LMO7: variants seen among roughly 807,000 people sequenced by gnomAD.
LMO7 encodes LIM domain only protein 7.
In LMO7, 120 loss-of-function variants were observed where a neutral mutation model predicts 206.5. That is an observed-to-expected ratio of 0.58 (90% CI 0.50 to 0.68). The LOEUF is 0.68. Among genes scored for constraint, LMO7 ranks in the 30% least tolerant of loss-of-function variants. LMO7 has a pLI of 0.00. For synonymous variants in LMO7, 706 were observed against 681.5 expected (o/e 1.04, Z -0.56); for missense variants, 1,959 against 1,957.9 (o/e 1.00, Z -0.01).
intron 4 of LMO7, among the ~76,000 whole-genome samples, chr13:75,788,228 G>C (rs539898573): frequency 1.5e-3 from 225 of 152,084 alleles, no homozygotes; most frequent in African/African-American, 5.2e-3. Context: ...CTGGCTTGTT[G>C]CATATATAAA....
At chr13:75,736,993 T>C (rs1487677694) in intron 3 of LMO7, among the ~76,000 whole-genome samples, 1 of 152,148 alleles carries the variant, frequency 6.6e-6, no homozygotes, top group Non-Finnish European at 1.5e-5. Flanking sequence ...GTGCTATAGG[T>C]TGAATTGTTC....
chr13:75,686,297 A>G (rs2040984970), intron 1 of LMO7, among the ~76,000 whole-genome samples: 1 of 152,166 alleles, frequency 6.6e-6, no homozygotes, highest in South Asian at 2.1e-4. Context: ...CTGGTGGCAG[A>G]CAAGAGAAGA....
At chr13:75,758,436 C>T (rs1259740185) in intron 3 of LMO7, among the ~76,000 whole-genome samples, 1 of 152,170 alleles carries the variant, frequency 6.6e-6, no homozygotes, top group African/African-American at 2.4e-5. Flanking sequence ...TTAGTACAAC[C>T]TCGTCCTGCT....
chr13:75,813,430 C>T (rs188003063), intron 11 of LMO7, among the ~76,000 whole-genome samples: 25 of 152,282 alleles, frequency 1.6e-4, no homozygotes, highest in Admixed American at 6.5e-4. Flanking sequence ...AATGGGGGCT[C>T]GGAAGTGATC....
rs2061115575 is a variant in LMO7 at position 75,858,198 on chromosome 13, A to T, written c.*255A>T. The stretch of plus-strand genomic sequence containing the variant: ...TTGAATTCAGCATCTTGAGAGCACA[A>T]GGGAAAAAATAAGAACCTACGAATA... On this transcript the variant is annotated 3_prime_UTR_variant, in exon 31 of 31. Transcript: ENST00000377534. The T allele has an allele frequency of 1.1e-5, 4 of 375,666 alleles. No individual in the cohort carries two copies. The allele number at this position is 375,666 out of a possible 1,614,324, so 23.3% of individuals were successfully genotyped here.
chr13:75,705,314 A>C (rs1019188334), intron 1 of LMO7, among the ~76,000 whole-genome samples: 3 of 152,200 alleles, frequency 2.0e-5, no homozygotes, highest in Non-Finnish European at 4.4e-5. Context: ...TTTCCCTTTT[A>C]AAATTAAGGG....
chr13:75,686,428 G>T (rs939175653), intron 1 of LMO7, among the ~76,000 whole-genome samples: 8 of 151,640 alleles, frequency 5.3e-5, no homozygotes, highest in Non-Finnish European at 8.8e-5. Flanking sequence ...CTCCCACCTG[G>T]TCCCTCCCAC....
chr13:75,765,629 T>C (rs975132455), intron 4 of LMO7, among the ~76,000 whole-genome samples: 3 of 152,124 alleles, frequency 2.0e-5, no homozygotes, highest in Admixed American at 6.6e-5. Context: ...TTTAAGACCA[T>C]TGGCAAAAAT....
At chr13:75,714,912 T>G (rs2043404700) in intron 2 of LMO7, among the ~76,000 whole-genome samples, 1 of 152,018 alleles carries the variant, frequency 6.6e-6, no homozygotes, top group African/African-American at 2.4e-5. Flanking sequence ...CCATCAACCA[T>G]ACACCCCACA....
At position 75,796,644 on chromosome 13, in the gene LMO7, A is replaced by G; in HGVS notation, c.357A>G (p.Ile119Met). Residue 119 changes from isoleucine to methionine, a missense_variant, in exon 6 of 31, where the codon ATA becomes ATG. Coordinates refer to ENST00000377534, the MANE Select transcript of LMO7 (RefSeq NM_001306080.2). ...ETDRRVKNVL[I>M]TLYWLGRKAQ... is the part of the protein sequence containing the mutation. The stretch of plus-strand genomic sequence containing the variant: ...ATTTTTTTTTTTTTAAGGTTTTGAT[A>G]ACATTGTACTGGCTGGGAAGAAAAG... 6.2e-7 allele frequency: 1 copy of G among 1,602,060 alleles called. No homozygotes were observed. Among genetic ancestry groups the G allele is most frequent in the Non-Finnish European group, 8.5e-7 (1 of 1,173,134 alleles).
chr13:75,708,478 A>C (rs1479895105), intron 1 of LMO7, among the ~76,000 whole-genome samples: 1 of 152,210 alleles, frequency 6.6e-6, no homozygotes, highest in African/African-American at 2.4e-5. Context: ...GCCAGATTAT[A>C]AGTGTCAGTG....
intron 1 of LMO7, among the ~76,000 whole-genome samples, chr13:75,653,763 T>C (rs894546677): frequency 6.6e-5 from 10 of 152,178 alleles, no homozygotes; most frequent in Non-Finnish European, 1.3e-4. Context: ...TCCAGTAAAT[T>C]GTTTTCTGTT....
At chr13:75,675,700 G>A (rs756489213) in intron 1 of LMO7, among the ~76,000 whole-genome samples, 1 of 152,144 alleles carries the variant, frequency 6.6e-6, no homozygotes, top group East Asian at 1.9e-4. Flanking sequence ...ACAGAGCTCT[G>A]TATCTAAATG....
chr13:75,843,457 C>T (rs561556067), intron 25 of LMO7, among the ~76,000 whole-genome samples: 6 of 152,252 alleles, frequency 3.9e-5, no homozygotes, highest in South Asian at 2.1e-4. Flanking sequence ...GGAATGGACA[C>T]GGCCGGGAAA....
intron 1 of LMO7, among the ~76,000 whole-genome samples, chr13:75,668,165 G>A (rs1045053273): frequency 3.3e-5 from 5 of 152,124 alleles, no homozygotes; most frequent in African/African-American, 4.8e-5. Flanking sequence ...CCAAGATTGC[G>A]CCACTACACC....
intron 15 of LMO7, among the ~76,000 whole-genome samples, chr13:75,831,664 C>G (rs192840322): frequency 6.5e-4 from 99 of 152,102 alleles, no homozygotes; most frequent in Non-Finnish European, 1.3e-3. Flanking sequence ...GTGCAGAGAC[C>G]CAAAACAAGG....
chr13:75,847,028 T>G (rs1413742412), intron 26 of LMO7, among the ~76,000 whole-genome samples: 1 of 63,834 alleles, frequency 1.6e-5, no homozygotes, highest in East Asian at 3.1e-4. Flanking sequence ...AGACTCTGTC[T>G]CAAAAAAAAA....
intron 4 of LMO7, among the ~76,000 whole-genome samples, chr13:75,791,755 T>C (rs759024737): frequency 2.6e-5 from 4 of 152,202 alleles, no homozygotes; most frequent in African/African-American, 4.8e-5. Context: ...GGTCCACTGA[T>C]GGGCCTTGCC....
rs764599899 is a variant in LMO7, at chr13:75,811,208, CT to C, written c.1946+2043del. ...TCTTTTTCTTTCTTTTTTTCTTTCT[CT>C]TTTTTTTTTTTTTTTTTAAGAGATG... On this transcript the variant is annotated intron_variant, in intron 11 of 30. Transcript: ENST00000377534. Among the ~76,000 whole-genome samples, 153 of 130,660 alleles carry C rather than the reference CT, an allele frequency of 1.2e-3. 1 individual carries two copies. The highest frequency in any genetic ancestry group is 1.4e-3 in the South Asian group (6 of 4,236). 85.7% of individuals were successfully genotyped at this position (130,660 alleles called of 152,430 possible). A position where few individuals can be genotyped will look rare whatever the true frequency, so the allele number is the denominator to read the frequency against.
Sources: gnomAD v4.1 joint callset for allele counts (sites outside exome capture counted in the v4.1 genomes callset) on GRCh38, gnomAD v4.1.1 for gene constraint, MANE v1.5 for transcripts, NCBI Gene and HGNC (gene_info 2026-07-23, HGNC 2026-07-21) for gene names.